LMO4: variants seen among roughly 807,000 people sequenced by gnomAD.
LMO4 encodes the protein LIM domain only 4.
Under a neutral mutation model 18.5 loss-of-function variants are expected in LMO4, and 3 were observed. The ratio of observed to expected loss-of-function variants is 0.16; its 90% CI spans 0.07 to 0.42. LMO4 has a LOEUF of 0.42. Among genes scored for constraint, LMO4 ranks in the 10% least tolerant of loss-of-function variants. The pLI is 0.99. For missense variants in LMO4, 121 were observed against 219.9 expected, an observed-to-expected ratio of 0.55 and a Z score of 2.84; for synonymous variants, 100 against 88.1, an observed-to-expected ratio of 1.14 and a Z score of -0.76.
intron 4 of LMO4, among the ~76,000 whole-genome samples, chr1:87,343,684 C>G (rs1650554763): frequency 6.6e-6 from 1 of 152,174 alleles, no homozygotes; most frequent in Non-Finnish European, 1.5e-5. Flanking sequence ...ACATTTGATG[C>G]TCATTTATTA....
chr1:87,330,677 A>G (rs1351392329), intron 1 of LMO4, among the ~76,000 whole-genome samples: 3 of 152,176 alleles, frequency 2.0e-5, no homozygotes, highest in South Asian at 2.1e-4. Flanking sequence ...GGGTACAGGC[A>G]AAGTTCGCCT....
Position 87,339,492 on chromosome 1 carries a change from G to A in LMO4, c.237-44G>A, listed in dbSNP as rs1414912642. 4 of 1,418,894 alleles carry A rather than the reference G, an allele frequency of 2.8e-6. No individual in the cohort carries two copies. The African/African-American group carries it at 5.7e-5, about 20-fold the overall frequency. The allele number at this position is 1,418,894 out of a possible 1,614,324, so 87.9% of individuals were successfully genotyped here. A position where few individuals can be genotyped will look rare whatever the true frequency, so the allele number is the denominator to read the frequency against. ...GGGTGTTTTTCTTTCTTTTTCTTTG[G>A]TTTAGGATTATTCACTGGTGTCAAC... On this transcript the variant is annotated intron_variant, in intron 2 of 4. Transcript: ENST00000370544.
chr1:87,348,819 G>A lies in LMO4; in HGVS notation c.*4023G>A, dbSNP rs771583691. ...GCTGAGAATGGACGGCAACTCGGAGGCCTCAAGCCAATAATGTACTACAGG... is the reference window on the plus strand; with the variant it reads ...GCTGAGAATGGACGGCAACTCGGAGACCTCAAGCCAATAATGTACTACAGG... On this transcript the variant is annotated 3_prime_UTR_variant, in exon 5 of 5. Coordinates refer to ENST00000370544, the MANE Select transcript of LMO4 (RefSeq NM_006769.4). 20 of 485,788 alleles carry A rather than the reference G, an allele frequency of 4.1e-5. No individual in the cohort carries two copies. Among genetic ancestry groups the A allele is most frequent in the Non-Finnish European group, 7.0e-5 (17 of 243,368 alleles). The allele number at this position is 485,788 out of a possible 1,614,324, so 30.1% of individuals were successfully genotyped here.
chr1:87,336,506 T>G (rs1434461294), intron 2 of LMO4, among the ~76,000 whole-genome samples: 1 of 152,212 alleles, frequency 6.6e-6, no homozygotes, highest in East Asian at 1.9e-4. Flanking sequence ...CGATTTGCCC[T>G]CCATCTCTTA....
At chr1:87,335,622 G>A (rs1038047291) in intron 2 of LMO4, among the ~76,000 whole-genome samples, 2 of 152,116 alleles carry the variant, frequency 1.3e-5, no homozygotes, top group African/African-American at 4.8e-5. Context: ...GTGGTGGAGG[G>A]TGTGTTTGGG....
intron 2 of LMO4, among the ~76,000 whole-genome samples, chr1:87,333,256 A>G (rs1650203937): frequency 6.6e-6 from 1 of 152,162 alleles, no homozygotes; most frequent in Admixed American, 6.5e-5. Context: ...TGATAGACTG[A>G]TGCACATGAA....
chr1:87,344,741 C>T (rs764553799), intron 4 of LMO4, 47 bp from the exon 5 acceptor site: 7 of 1,607,108 alleles, frequency 4.4e-6, no homozygotes, highest in Non-Finnish European at 6.0e-6. Context: ...TTTAATATCT[C>T]TCAAATTTAG....
At chr1:87,343,604 C>T (rs1270324427) in intron 4 of LMO4, among the ~76,000 whole-genome samples, 1 of 152,134 alleles carries the variant, frequency 6.6e-6, no homozygotes, top group African/African-American at 2.4e-5. Context: ...AGTGAGTGTT[C>T]TAGTCTACAT....
chr1:87,331,842 C>CAAGAAGTGTAGA, intron 1 of LMO4, 171 bp from the exon 2 acceptor site: 8 of 578,912 alleles, frequency 1.4e-5, no homozygotes, highest in Admixed American at 6.3e-5. Context: ...GCCGGCGAGC[C>CAAGAAGTGTAGA]TCCCTTCTTC....
Position 87,345,417 on chromosome 1 carries a change from A to G in LMO4, c.*621A>G, listed in dbSNP as rs915063143. ...AAAAAAGAATGAAAAAAAGAAAAAA[A>G]TTTGGAAAAAAAAATCAGGCTCATA... On this transcript the variant is annotated 3_prime_UTR_variant, in exon 5 of 5. Coordinates refer to ENST00000370544, the MANE Select transcript of LMO4 (RefSeq NM_006769.4). The G allele has an allele frequency of 6.6e-6, 1 of 151,906 alleles. No homozygotes were observed. The highest frequency in any genetic ancestry group is 6.5e-5 in the Admixed American group (1 of 15,282). The allele number at this position is 151,906 out of a possible 1,614,324, so 9.4% of individuals were successfully genotyped here. A position where few individuals can be genotyped will look rare whatever the true frequency, so the allele number is the denominator to read the frequency against.
Position 87,342,413 on chromosome 1 carries a change from A to T in LMO4, c.489+2211A>T, listed in dbSNP as rs550803956. Among the ~76,000 whole-genome samples the T allele has an allele frequency of 2.0e-5, 3 of 152,282 alleles. No homozygotes were observed. In the South Asian group the frequency reaches 6.2e-4, roughly 32 times the overall value. On this transcript the variant is annotated intron_variant, in intron 4 of 4. Transcript: ENST00000370544. ...TACATGTCTTATGCCTTTCATTGAAATCTGTTTTCCACACCTTTTCCAGGA... is the reference window on the plus strand; with the variant it reads ...TACATGTCTTATGCCTTTCATTGAATTCTGTTTTCCACACCTTTTCCAGGA...
intron 4 of LMO4, 54 bp downstream of exon 4, chr1:87,340,256 A>C (rs1158985561): frequency 9.1e-6 from 14 of 1,540,238 alleles, no homozygotes; most frequent in Admixed American, 7.8e-5. Context: ...GGAAGGTTCA[A>C]CCTCTTAACC....
At chr1:87,335,433 A>T (rs1055100992) in intron 2 of LMO4, among the ~76,000 whole-genome samples, 11 of 151,760 alleles carry the variant, frequency 7.2e-5, no homozygotes, top group Non-Finnish European at 1.5e-4. Context: ...CAGAGCGCCC[A>T]GCCGGCGGGC....
chr1:87,336,976 A>AC (rs770298421), intron 2 of LMO4, among the ~76,000 whole-genome samples: 5,338 of 151,404 alleles, frequency 0.035, 178 homozygotes, highest in African/African-American at 0.087. Flanking sequence ...CGTTGTGAAA[A>AC]AACACACACA....
chr1:87,338,691 C>A (rs531873608), intron 2 of LMO4, among the ~76,000 whole-genome samples: 10 of 152,298 alleles, frequency 6.6e-5, no homozygotes, highest in African/African-American at 2.4e-4. Context: ...CCTTCTCCCC[C>A]TCCTCCCCCC....
chr1:87,347,114 G>A lies in LMO4; in HGVS notation c.*2318G>A, dbSNP rs1650657485. ...TATGGCTGGTTCCTCAAGCACTGCT[G>A]CGTATTTAATAATGAGCTTCTAAAA... On this transcript the variant is annotated 3_prime_UTR_variant, in exon 5 of 5. Transcript: ENST00000370544. 6.6e-6 allele frequency: 1 copy of A among 152,176 alleles called. No individual in the cohort carries two copies. The highest frequency in any genetic ancestry group is 1.5e-5 in the Non-Finnish European group (1 of 68,038). 9.4% of individuals were successfully genotyped at this position (152,176 alleles called of 1,614,324 possible). A position where few individuals can be genotyped will look rare whatever the true frequency, so the allele number is the denominator to read the frequency against.
chr1:87,331,793 C>T (rs1387450335), intron 1 of LMO4: 9 of 571,930 alleles, frequency 1.6e-5, no homozygotes, highest in Non-Finnish European at 2.8e-5. Flanking sequence ...AGCTCGTGGC[C>T]CCAGAACAAA....
intron 2 of LMO4, among the ~76,000 whole-genome samples, chr1:87,337,729 C>T (rs1650352765): frequency 6.6e-6 from 1 of 152,190 alleles, no homozygotes; most frequent in African/African-American, 2.4e-5. Flanking sequence ...TCCTCAGGGC[C>T]ATGCCCATTC....
chr1:87,334,851 C>T (rs1650256066), intron 2 of LMO4, among the ~76,000 whole-genome samples: 1 of 152,148 alleles, frequency 6.6e-6, no homozygotes. Flanking sequence ...GCAGCGAATC[C>T]GCACAATTAA....
Sources: gnomAD v4.1 joint callset for allele counts (sites outside exome capture counted in the v4.1 genomes callset) on GRCh38, gnomAD v4.1.1 for gene constraint, MANE v1.5 for transcripts, NCBI Gene and HGNC (gene_info 2026-07-23, HGNC 2026-07-21) for gene names.